Variants in CACNA1I observed in about 807,000 individuals in gnomAD.
CACNA1I encodes calcium voltage-gated channel subunit alpha1 I.
In CACNA1I, 74 loss-of-function variants were observed where a neutral mutation model predicts 201.6. The ratio of observed to expected loss-of-function variants is 0.37; its 90% confidence interval spans 0.30 to 0.45. The LOEUF is 0.45. Among genes scored for constraint, CACNA1I ranks in the 20% least tolerant of loss-of-function variants. The probability of loss-of-function intolerance (pLI) is 1.00; values close to 1 mark genes in which losing one functional copy is unlikely to be tolerated. For synonymous variants in CACNA1I, 1,431 were observed against 1,345.2 expected (o/e 1.06, Z -1.40); for missense variants, 2,346 against 3,138.1 (o/e 0.75, Z 6.03).
intron 26 of CACNA1I, among the ~76,000 whole-genome samples, chr22:39,671,394 G>A (rs1935372629): frequency 6.6e-6 from 1 of 152,220 alleles, no homozygotes; most frequent in African/African-American, 2.4e-5. Context: ...CTCAGCCATA[G>A]GTAGTGGAAC....
At chr22:39,600,098 T>G (rs545037099) in intron 2 of CACNA1I, among the ~76,000 whole-genome samples, 36 of 152,166 alleles carry the variant, frequency 2.4e-4, no homozygotes, top group South Asian at 1.2e-3. Flanking sequence ...CCTCTCTGAG[T>G]CTCTGTTTCC....
intron 16 of CACNA1I, 27 bp downstream of exon 16, chr22:39,661,337 G>A (rs754696531): frequency 1.3e-5 from 20 of 1,503,146 alleles, no homozygotes; most frequent in Middle Eastern, 2.0e-4. Flanking sequence ...AGCTCTGGAC[G>A]GGCGCTTCCT....
intron 26 of CACNA1I, 95 bp downstream of exon 26, chr22:39,671,049 C>G: frequency 8.5e-7 from 1 of 1,182,528 alleles, no homozygotes; most frequent in Non-Finnish European, 1.2e-6. Flanking sequence ...AAGGGGTTAG[C>G]TGATAGCAGG....
At chr22:39,597,005 A>G (rs909013566) in intron 1 of CACNA1I, among the ~76,000 whole-genome samples, 1 of 151,892 alleles carries the variant, frequency 6.6e-6, no homozygotes, top group Admixed American at 6.6e-5. Flanking sequence ...AGGAGAACCT[A>G]CTCCCGACTC....
chr22:39,650,008 A>G (rs1362009639), intron 10 of CACNA1I, 83 bp downstream of exon 10: 2 of 1,436,730 alleles, frequency 1.4e-6, no homozygotes, highest in Non-Finnish European at 1.9e-6. Context: ...AGCCCCATCC[A>G]TCTGCCTGGG....
At position 39,684,654 on chromosome 22, in the gene CACNA1I, G is replaced by T; in HGVS notation, c.6027+156G>T. 2 of 751,412 alleles carry T rather than the reference G, an allele frequency of 2.7e-6. No individual in the cohort carries two copies. Among genetic ancestry groups the T allele is most frequent in the Non-Finnish European group, 4.4e-6 (2 of 457,094 alleles). 46.5% of individuals were successfully genotyped at this position (751,412 alleles called of 1,614,324 possible). ...GGTTTGGGAACGCTGGGGTGACGCT[G>T]AGACTGGAGGGGGAGGTGGCACTGG... On this transcript the variant is annotated intron_variant, in intron 36 of 36. Transcript: ENST00000402142. The surrounding 1 kb of genome is among the most constrained non-coding windows in gnomAD (Gnocchi z 4.6).
intron 20 of CACNA1I, 63 bp from the exon 21 acceptor site, chr22:39,664,676 T>TG: frequency 5.6e-5 from 38 of 683,948 alleles, no homozygotes; most frequent in South Asian, 2.9e-4. Flanking sequence ...AGAGCCCGGT[T>TG]GGCCCCGCCC....
In CACNA1I at chr22:39,686,078, C is replaced by CGGCGGG; in HGVS notation, c.6350_6355dup (p.Gly2117_Gly2118dup). 2 of 1,222,726 alleles carry CGGCGGG rather than the reference C, an allele frequency of 1.6e-6. No individual in the cohort carries two copies. The highest frequency in any genetic ancestry group is 2.0e-6 in the Non-Finnish European group (2 of 984,628). The allele number at this position is 1,222,726 out of a possible 1,614,324, so 75.7% of individuals were successfully genotyped here. On this transcript the variant is annotated inframe_insertion, in exon 37 of 37. Coordinates refer to ENST00000402142, the MANE Select transcript of CACNA1I (RefSeq NM_021096.4). The stretch of plus-strand genomic sequence containing the variant: ...ACGAGGAGGGCCGCGGTGGCGCGGG[C>CGGCGGG]GGCGGGGGCGCGGGCAGCGAGCACT...
intron 3 of CACNA1I, among the ~76,000 whole-genome samples, chr22:39,606,379 C>A (rs1601812408): frequency 6.6e-6 from 1 of 152,202 alleles, no homozygotes; most frequent in Non-Finnish European, 1.5e-5. Context: ...TCACCGTGGC[C>A]TCTTGGAGTC....
At chr22:39,628,534 G>A (rs1933960892) in intron 4 of CACNA1I, among the ~76,000 whole-genome samples, 1 of 152,092 alleles carries the variant, frequency 6.6e-6, no homozygotes, top group Non-Finnish European at 1.5e-5. Flanking sequence ...CCTGGGATGG[G>A]GGAAGTGAGC....
In CACNA1I at chr22:39,682,625, C is replaced by T; in HGVS notation, c.5794C>T (p.Pro1932Ser). Residue 1932 changes from proline to serine, a missense_variant, in exon 35 of 37, where the codon CCT (proline) becomes TCT (serine). By Grantham distance (74) the Pro-to-Ser change is moderately conservative. Around this residue, in one of 13 missense-constraint regions of CACNA1I, gnomAD observed 441 missense variants for 555.6 expected, o/e 0.79. Coordinates refer to ENST00000402142, the MANE Select transcript of CACNA1I (RefSeq NM_021096.4). ...LCEMEEIPFN[P>S]VRSWLKHDSS... ...TGAGATGGAGGAGATCCCATTCAAC[C>T]CTGTCCGGTCCTGGCTGAAACATGA... 1 of 1,613,434 alleles carries T rather than the reference C, an allele frequency of 6.2e-7. No individual in the cohort carries two copies.
chr22:39,578,231 G>C (rs1048120237), intron 1 of CACNA1I, among the ~76,000 whole-genome samples: 5 of 152,052 alleles, frequency 3.3e-5, no homozygotes, highest in Admixed American at 1.3e-4. Context: ...TCCCTGCCCT[G>C]GTCACTTAGC....
intron 1 of CACNA1I, among the ~76,000 whole-genome samples, chr22:39,590,933 G>A (rs1321474583): frequency 1.3e-5 from 2 of 152,066 alleles, no homozygotes; most frequent in African/African-American, 4.8e-5. Flanking sequence ...GCGACCTTCA[G>A]CTCCTGGGCT....
In CACNA1I at chr22:39,646,810, G is replaced by T; in HGVS notation, c.1391G>T (p.Arg464Leu). ...LGLYQALQSRRQALGPEAPAP... is the reference protein window; with the variant it reads ...LGLYQALQSRLQALGPEAPAP... ...CTCTACCAGGCCCTGCAGAGCCGGCGCCAGGCCCTGGGCCCGGAGGCCCCG... is the reference window on the plus strand; with the variant it reads ...CTCTACCAGGCCCTGCAGAGCCGGCTCCAGGCCCTGGGCCCGGAGGCCCCG... Residue 464 changes from arginine to leucine, a missense_variant, in exon 8 of 37, where the codon CGC becomes CTC. By Grantham distance (102) the Arg-to-Leu change is moderately radical (BLOSUM62 -2). Coordinates refer to ENST00000402142, the MANE Select transcript of CACNA1I (RefSeq NM_021096.4). The T allele has an allele frequency of 1.3e-6, 2 of 1,551,284 alleles. No homozygotes were observed. Among genetic ancestry groups the T allele is most frequent in the Non-Finnish European group, 8.7e-7 (1 of 1,147,910 alleles).
chr22:39,628,241 G>A (rs537084654), intron 4 of CACNA1I, among the ~76,000 whole-genome samples: 2 of 152,308 alleles, frequency 1.3e-5, no homozygotes, highest in African/African-American at 2.4e-5. Context: ...TTCTCTGGGC[G>A]AGACCCTGGC....
intron 35 of CACNA1I, 58 bp downstream of exon 35, chr22:39,682,719 G>C: frequency 6.7e-7 from 1 of 1,487,058 alleles, no homozygotes; most frequent in Non-Finnish European, 9.2e-7. Flanking sequence ...ATCTGCTTCA[G>C]AGGGAGATGG....
chr22:39,583,672 G>A (rs544061392), intron 1 of CACNA1I, among the ~76,000 whole-genome samples: 93 of 152,328 alleles, frequency 6.1e-4, no homozygotes, highest in African/African-American at 2.1e-3. Flanking sequence ...TTTGGCAGAT[G>A]CTTGTTGATT....
chr22:39,632,500 C>T (rs1055945973), intron 4 of CACNA1I, among the ~76,000 whole-genome samples: 2 of 151,588 alleles, frequency 1.3e-5, no homozygotes, highest in Non-Finnish European at 2.9e-5. Context: ...GTGCCCGGAG[C>T]GGCCCCACTC....
intron 1 of CACNA1I, among the ~76,000 whole-genome samples, chr22:39,589,875 G>A (rs1214984327): frequency 6.6e-6 from 1 of 152,124 alleles, no homozygotes; most frequent in Non-Finnish European, 1.5e-5. Flanking sequence ...GATTTATTTA[G>A]ACAACTGAAA....
Sources: gnomAD v4.1 joint callset for allele counts (sites outside exome capture counted in the v4.1 genomes callset) on GRCh38, gnomAD v4.1.1 for gene constraint, gnomAD v4.1.1 regional missense constraint, Gnocchi (gnomAD v3.1) non-coding constraint, MANE v1.5 for transcripts, NCBI Gene and HGNC (gene_info 2026-07-23, HGNC 2026-07-21) for gene names.